PROKR2: variants seen among roughly 807,000 people sequenced by gnomAD.
PROKR2 encodes the protein G protein-coupled receptor 73-like 1.
PROKR2 carries 26 observed loss-of-function variants against 23.4 expected under a neutral mutation model. The ratio of observed to expected loss-of-function variants is 1.11; its 90% CI spans 0.81 to 1.54. The LOEUF (loss-of-function observed/expected upper bound fraction) is 1.54. PROKR2 is among the 40% of genes most tolerant of loss of function. The pLI is 0.00. For missense variants in PROKR2, 453 were observed against 511.5 expected, an observed-to-expected ratio of 0.89 and a Z score of 1.10; for synonymous variants, 212 against 201.2, an observed-to-expected ratio of 1.05 and a Z score of -0.45.
rs1979040754 is a variant in PROKR2, at chr20:5,302,550, A to G, written c.645T>C (p.Asp215=). 1.9e-6 allele frequency: 3 copies of G among 1,614,230 alleles called. No individual in the cohort carries two copies. The highest frequency in any genetic ancestry group is 1.7e-6 in the Non-Finnish European group (2 of 1,180,038). ...KIFCGQIWPV[D]QQLYYKSYFL... Reference sequence around the variant, plus strand: ...AGTAGGACTTGTAGTAGAGCTGCTGATCCACAGGCCAGATCTGGCCACAGA... The same window carrying G: ...AGTAGGACTTGTAGTAGAGCTGCTGGTCCACAGGCCAGATCTGGCCACAGA... Residue 215 remains aspartate (D), a synonymous_variant, in exon 3 of 3, where the codon GAT becomes GAC. Coordinates refer to ENST00000678254, the MANE Select transcript of PROKR2 (RefSeq NM_144773.4).
At chr20:5,302,768 G>A in intron 2 of PROKR2, 32 bp from the exon 3 acceptor site, 1 of 1,534,366 alleles carries the variant, frequency 6.5e-7, no homozygotes, top group Non-Finnish European at 9.0e-7. Flanking sequence ...CAGTAGTAAT[G>A]ATGAATACGT....
At chr20:5,312,478 A>T (rs1250471313) in intron 2 of PROKR2, among the ~76,000 whole-genome samples, 1 of 152,232 alleles carries the variant, frequency 6.6e-6, no homozygotes, top group Non-Finnish European at 1.5e-5. Context: ...GTTGGTTGAT[A>T]GGTACACATT....
At chr20:5,313,291 G>A (rs1156381758) in intron 2 of PROKR2, among the ~76,000 whole-genome samples, 1 of 152,202 alleles carries the variant, frequency 6.6e-6, no homozygotes, top group Admixed American at 6.5e-5. Flanking sequence ...AAAAGCAAAA[G>A]CAAGCGTGTC....
intron 2 of PROKR2, among the ~76,000 whole-genome samples, chr20:5,307,693 G>T (rs1979272423): frequency 6.6e-6 from 1 of 152,242 alleles, no homozygotes; most frequent in African/African-American, 2.4e-5. Context: ...AAAATGGTCA[G>T]ATGGTAGAAA....
rs769901726 is a variant in PROKR2 at position 5,302,331 on chromosome 20, C to T, written c.864G>A (p.Trp288Ter). 1.2e-6 allele frequency: 2 copies of T among 1,614,198 alleles called. No homozygotes were observed. Among genetic ancestry groups the T allele is most frequent in the South Asian group, 1.1e-5 (1 of 91,078 alleles). The change falls in exon 3 of 3, where the codon TGG (tryptophan) becomes TGA (stop). Residue 288 changes from tryptophan to a stop codon, truncating the protein, a stop_gained. Coordinates refer to ENST00000678254, the MANE Select transcript of PROKR2 (RefSeq NM_144773.4). LOFTEE classifies it high-confidence loss of function. ...MCILTAYVLC[W>*]APFYGFTIVR... The stretch of plus-strand genomic sequence containing the variant: ...CGATGGTGAAACCGTAGAAGGGTGC[C>T]CAGCACAGCACATAGGCCGTGAGAA...
chr20:5,303,157 A>G (rs1316743873), intron 2 of PROKR2, among the ~76,000 whole-genome samples: 1 of 152,222 alleles, frequency 6.6e-6, no homozygotes, highest in East Asian at 1.9e-4. Context: ...ATTCTTAAGC[A>G]TCCTATTATA....
At position 5,316,297 on chromosome 20, in the gene PROKR2, C is replaced by CG; in HGVS notation, c.-9+196dup. On this transcript the variant is annotated intron_variant, in intron 1 of 2. Transcript: ENST00000678254. This position sits in a 1 kb window ranked among gnomAD's most constrained non-coding sequence, Gnocchi z 5.0. The stretch of plus-strand genomic sequence containing the variant: ...CAGACTCCGCTTACCGTACCCTACC[C>CG]GGTCCTAGAGGGCCCAGAGGGGATC... The CG allele has an allele frequency of 2.2e-6, 1 of 456,700 alleles. No individual in the cohort carries two copies. The highest frequency in any genetic ancestry group is 1.5e-5 in the South Asian group (1 of 64,576). 28.3% of individuals were successfully genotyped at this position (456,700 alleles called of 1,614,324 possible). A position where few individuals can be genotyped will look rare whatever the true frequency, so the allele number is the denominator to read the frequency against.
Position 5,302,373 on chromosome 20 carries a change from G to C in PROKR2, c.822C>G (p.Val274=). 6.2e-7 allele frequency: 1 copy of C among 1,614,242 alleles called. No individual in the cohort carries two copies. Among genetic ancestry groups the C allele is most frequent in the Non-Finnish European group, 8.5e-7 (1 of 1,180,052 alleles). ...CCGTGAGAATGCACATGAGCACCAG[G>C]ACCGTCTTCCTGCGGCAGCGCAGCC... ...RKRLRCRRKT[V]LVLMCILTAY... is the part of the protein sequence containing the mutation. Residue 274 remains valine (V), a synonymous_variant, in exon 3 of 3, where the codon GTC becomes GTG. Coordinates refer to ENST00000678254, the MANE Select transcript of PROKR2 (RefSeq NM_144773.4).
At chr20:5,308,045 A>AGTG (rs71332894) in intron 2 of PROKR2, among the ~76,000 whole-genome samples, 1 of 151,878 alleles carries the variant, frequency 6.6e-6, no homozygotes, top group East Asian at 1.9e-4. Context: ...CTGTGATTTC[A>AGTG]ATGATTGTGC....
intron 2 of PROKR2, among the ~76,000 whole-genome samples, chr20:5,309,955 G>C (rs886756179): frequency 2.0e-5 from 3 of 152,088 alleles, no homozygotes; most frequent in African/African-American, 7.2e-5. Flanking sequence ...AATAACACTG[G>C]CCTAGGAGTT....
chr20:5,312,255 C>T (rs148700631), intron 2 of PROKR2, among the ~76,000 whole-genome samples: 4,183 of 152,180 alleles, frequency 0.027, 133 homozygotes, highest in East Asian at 0.088. Context: ...TACAGGCACC[C>T]GCCACCACGC....
At chr20:5,302,939 A>C (rs1487208386) in intron 2 of PROKR2, among the ~76,000 whole-genome samples, 3 of 152,226 alleles carry the variant, frequency 2.0e-5, no homozygotes, top group Non-Finnish European at 2.9e-5. Context: ...CTTTGGGTCA[A>C]ACAGGCTGAA....
At chr20:5,310,839 G>T (rs1979416948) in intron 2 of PROKR2, among the ~76,000 whole-genome samples, 1 of 152,252 alleles carries the variant, frequency 6.6e-6, no homozygotes, top group Non-Finnish European at 1.5e-5. Context: ...CTAAGACTCA[G>T]ATATAAGTCC....
intron 2 of PROKR2, among the ~76,000 whole-genome samples, chr20:5,304,951 G>T (rs1246459833): frequency 6.6e-6 from 1 of 152,142 alleles, no homozygotes; most frequent in Non-Finnish European, 1.5e-5. Context: ...ACAGGCAGTG[G>T]CAGGACTGAG....
At chr20:5,307,703 A>G (rs1461634108) in intron 2 of PROKR2, among the ~76,000 whole-genome samples, 2 of 152,238 alleles carry the variant, frequency 1.3e-5, no homozygotes, top group African/African-American at 4.8e-5. Flanking sequence ...GATGGTAGAA[A>G]TGGCAAGAAG....
Position 5,315,787 on chromosome 20 carries a change from C to T in PROKR2, c.-9+707G>A, listed in dbSNP as rs183139895. On this transcript the variant is annotated intron_variant, in intron 1 of 2. Transcript: ENST00000678254. ...GTGTCTTCTCTCCAGGTCGCCCCTC[C>T]GTCTCATGCGACACCCCAATCCCCG... is the stretch of plus-strand genomic sequence containing the variant. 560 of 453,594 alleles carry T rather than the reference C, an allele frequency of 1.2e-3. 2 individuals are homozygous for T. Among genetic ancestry groups the T allele is most frequent in the African/African-American group, 9.8e-3 (488 of 50,034 alleles). 28.1% of individuals were successfully genotyped at this position (453,594 alleles called of 1,614,324 possible).
intron 2 of PROKR2, among the ~76,000 whole-genome samples, chr20:5,310,415 C>A (rs1020004965): frequency 6.6e-6 from 1 of 152,274 alleles, no homozygotes; most frequent in Non-Finnish European, 1.5e-5. Flanking sequence ...TCCCACCCTA[C>A]ATGTGTTAGG....
chr20:5,310,210 C>T (rs1019360335), intron 2 of PROKR2, among the ~76,000 whole-genome samples: 9 of 152,118 alleles, frequency 5.9e-5, no homozygotes, highest in South Asian at 2.1e-4. Context: ...AGAGGGACAC[C>T]GGCAAGGTCT....
In PROKR2 at chr20:5,316,319, G is replaced by A; in HGVS notation, c.-9+175C>T. 2.2e-6 allele frequency: 1 copy of A among 456,680 alleles called. No homozygotes were observed. Among genetic ancestry groups the A allele is most frequent in the Non-Finnish European group, 4.4e-6 (1 of 226,954 alleles). 28.3% of individuals were successfully genotyped at this position (456,680 alleles called of 1,614,324 possible). The stretch of plus-strand genomic sequence containing the variant: ...ACCCGGTCCTAGAGGGCCCAGAGGG[G>A]ATCTCCTGAAACCAACTCGCCTGCT... On this transcript the variant is annotated intron_variant, in intron 1 of 2. Coordinates refer to ENST00000678254, the MANE Select transcript of PROKR2 (RefSeq NM_144773.4). The surrounding 1 kb of genome is among the most constrained non-coding windows in gnomAD (Gnocchi z 5.0).
Sources: gnomAD v4.1 joint callset for allele counts (sites outside exome capture counted in the v4.1 genomes callset) on GRCh38, gnomAD v4.1.1 for gene constraint, Gnocchi (gnomAD v3.1) non-coding constraint, MANE v1.5 for transcripts, NCBI Gene and HGNC (gene_info 2026-07-23, HGNC 2026-07-21) for gene names.